MTMR7: variants seen among roughly 807,000 people sequenced by gnomAD.
MTMR7 encodes myotubularin related protein 7.
In MTMR7, 76 loss-of-function variants were observed where a neutral mutation model predicts 81.2. The ratio of observed to expected loss-of-function variants is 0.94; its 90% CI spans 0.78 to 1.13. The LOEUF is 1.13. Among genes scored for constraint, MTMR7 ranks in the 50% most tolerant of loss-of-function variants. MTMR7 has a pLI of 0.00. For synonymous variants in MTMR7, 372 were observed against 289.8 expected (o/e 1.28, Z -2.88); for missense variants, 1,044 against 820.0 (o/e 1.27, Z -3.34).
chr8:17,383,594 C>G (rs1820830354), intron 1 of MTMR7, among the ~76,000 whole-genome samples: 1 of 152,198 alleles, frequency 6.6e-6, no homozygotes, highest in African/African-American at 2.4e-5. Flanking sequence ...GGAAAAACAT[C>G]CTGGCTCAAC....
At chr8:17,389,844 A>T (rs2150577034) in intron 1 of MTMR7, among the ~76,000 whole-genome samples, 1 of 152,254 alleles carries the variant, frequency 6.6e-6, no homozygotes. Flanking sequence ...AAAAAAAAAC[A>T]TGTTTGTTGA....
At chr8:17,307,160 C>G (rs1330621161) in intron 10 of MTMR7, among the ~76,000 whole-genome samples, 1 of 151,986 alleles carries the variant, frequency 6.6e-6, no homozygotes, top group Admixed American at 6.6e-5. Flanking sequence ...GGCTAAAATC[C>G]AGAATCTAAA....
At chr8:17,310,104 G>T (rs112787389) in intron 9 of MTMR7, among the ~76,000 whole-genome samples, 2,825 of 152,080 alleles carry the variant, frequency 0.019, 108 homozygotes, top group African/African-American at 0.065. Context: ...GAGCTCGAGC[G>T]ATCCTCCCAC....
intron 4 of MTMR7, among the ~76,000 whole-genome samples, chr8:17,356,715 A>G (rs934568884): frequency 5.0e-5 from 2 of 40,154 alleles, no homozygotes; most frequent in African/African-American, 1.7e-4. Context: ...CCCTGTCTCA[A>G]TAAAATAAAA....
In MTMR7 at chr8:17,353,345, T is replaced by A. The variant is rs578252729; in HGVS notation, c.469-4264A>T. ...AGTATCAGTTCTGGAGTTGAAAAGT[T>A]CCAGAGATCTATTATAGTACAAGAA... is the stretch of plus-strand genomic sequence containing the variant. On this transcript the variant is annotated intron_variant, in intron 4 of 13. Coordinates refer to ENST00000180173, the MANE Select transcript of MTMR7 (RefSeq NM_004686.5). 2.0e-5 allele frequency among the ~76,000 whole-genome samples: 3 copies of A among 152,268 alleles called. No homozygotes were observed. The East Asian group carries it at 5.8e-4, about 29-fold the overall frequency.
At chr8:17,348,549 C>CAAAA (rs10651385) in intron 5 of MTMR7, among the ~76,000 whole-genome samples, 94 of 94,644 alleles carry the variant, frequency 9.9e-4, no homozygotes, top group African/African-American at 3.1e-3. Flanking sequence ...GACTCTGTCT[C>CAAAA]AAAAAAAAAA....
At chr8:17,354,125 AAG>A (rs1379926383) in intron 4 of MTMR7, among the ~76,000 whole-genome samples, 8 of 152,218 alleles carry the variant, frequency 5.3e-5, no homozygotes, top group African/African-American at 1.9e-4. Flanking sequence ...ACTGTAGGGT[AAG>A]AGTTGTCAGA....
At chr8:17,308,118 G>C (rs1156594898) in intron 10 of MTMR7, among the ~76,000 whole-genome samples, 3 of 151,924 alleles carry the variant, frequency 2.0e-5, no homozygotes, top group Admixed American at 2.0e-4. Flanking sequence ...TTTGCATAAA[G>C]GGAATTTTAG....
intron 10 of MTMR7, among the ~76,000 whole-genome samples, chr8:17,307,110 A>G (rs1394522254): frequency 7.9e-5 from 12 of 152,258 alleles, no homozygotes; most frequent in Admixed American, 6.5e-4. Context: ...GCAACCTACA[A>G]AATGGGAGAA....
chr8:17,364,060 C>T (rs1326703566), intron 3 of MTMR7, among the ~76,000 whole-genome samples: 1 of 116,912 alleles, frequency 8.6e-6, no homozygotes, highest in Non-Finnish European at 1.6e-5. Flanking sequence ...GACGGAGTCT[C>T]GCTCTGTCGC....
chr8:17,408,113 G>GATTAGCTCTTT (rs1300563499), intron 1 of MTMR7, among the ~76,000 whole-genome samples: 8 of 122,804 alleles, frequency 6.5e-5, no homozygotes, highest in African/African-American at 2.0e-4. Context: ...TGGAGAGGCC[G>GATTAGCTCTTT]GGCGCGGTGG....
At chr8:17,320,753 A>G (rs980155063) in intron 7 of MTMR7, among the ~76,000 whole-genome samples, 1 of 152,194 alleles carries the variant, frequency 6.6e-6, no homozygotes, top group South Asian at 2.1e-4. Context: ...CCCTCCAAGC[A>G]TCAGGCTCAC....
intron 1 of MTMR7, among the ~76,000 whole-genome samples, chr8:17,376,711 T>A (rs1249691200): frequency 6.6e-6 from 1 of 152,184 alleles, no homozygotes; most frequent in African/African-American, 2.4e-5. Context: ...TGTGCACCCA[T>A]TTTTAATGGA....
intron 6 of MTMR7, among the ~76,000 whole-genome samples, chr8:17,334,911 G>T (rs578164008): frequency 2.7e-4 from 41 of 152,310 alleles, no homozygotes; most frequent in African/African-American, 9.6e-4. Flanking sequence ...TGGAGAGAGA[G>T]GGGAGGGCAT....
Position 17,311,552 on chromosome 8 carries a change from G to A in MTMR7, c.1060C>T (p.Leu354=). The stretch of plus-strand genomic sequence containing the variant: ...GTCCGGTAGTGAGGGTCCAGCAGCA[G>A]GCTTGCCACCGAGCACACCTGAGCG... The part of the protein sequence containing the change: ...RTAQVCSVAS[L]LLDPHYRTLK... Residue 354 remains leucine (L), a synonymous_variant, in exon 9 of 14, where the codon CTG becomes TTG. Coordinates refer to ENST00000180173, the MANE Select transcript of MTMR7 (RefSeq NM_004686.5). The A allele has an allele frequency of 6.2e-7, 1 of 1,614,106 alleles. No individual in the cohort carries two copies. Among genetic ancestry groups the A allele is most frequent in the South Asian group, 1.1e-5 (1 of 91,070 alleles).
At chr8:17,377,749 T>C (rs1015738300) in intron 1 of MTMR7, among the ~76,000 whole-genome samples, 69 of 152,152 alleles carry the variant, frequency 4.5e-4, no homozygotes, top group African/African-American at 1.6e-3. Context: ...TTCTAGATGG[T>C]CTATAATTGC....
intron 7 of MTMR7, among the ~76,000 whole-genome samples, chr8:17,322,250 G>C (rs1248180354): frequency 6.6e-6 from 1 of 152,208 alleles, no homozygotes; most frequent in African/African-American, 2.4e-5. Flanking sequence ...ACCAGGTGAA[G>C]CCATTCAAAG....
intron 1 of MTMR7, among the ~76,000 whole-genome samples, chr8:17,381,258 G>T (rs1244878374): frequency 6.6e-6 from 1 of 152,068 alleles, no homozygotes; most frequent in Non-Finnish European, 1.5e-5. Context: ...AAAACGCTCA[G>T]TCAAAACCCT....
intron 3 of MTMR7, among the ~76,000 whole-genome samples, chr8:17,365,614 A>T (rs1820202321): frequency 6.6e-6 from 1 of 152,138 alleles, no homozygotes; most frequent in Admixed American, 6.5e-5. Context: ...CCTCACCCTA[A>T]GGGGCCCCAT....
Sources: allele counts gnomAD v4.1 joint callset (sites outside exome capture counted in the v4.1 genomes callset), GRCh38; gene constraint gnomAD v4.1.1; transcripts MANE v1.5; gene names NCBI Gene and HGNC (gene_info 2026-07-23, HGNC 2026-07-21).